The following TAOK3 variants were observed in gnomAD, a reference collection of about 807,000 sequenced individuals.
The protein encoded by TAOK3 is serine/threonine-protein kinase TAO3.
In TAOK3, 40 loss-of-function variants were observed where a neutral mutation model predicts 120.4. The ratio of observed to expected loss-of-function variants is 0.33; its 90% CI spans 0.26 to 0.43. The LOEUF is 0.43. Among genes scored for constraint, TAOK3 ranks in the 20% least tolerant of loss-of-function variants. The pLI is 1.00. For missense variants in TAOK3, 821 were observed against 1,112.1 expected (o/e 0.74, Z 3.72); for synonymous variants, 355 against 387.5 (o/e 0.92, Z 0.99).
intron 19 of TAOK3, among the ~76,000 whole-genome samples, chr12:118,156,016 C>T (rs1052694533): frequency 3.9e-5 from 6 of 152,160 alleles, no homozygotes; most frequent in Admixed American, 2.0e-4. Context: ...CGTGAGCCAC[C>T]GCGCCTGGTC....
rs2043193024 is a variant in TAOK3, at chr12:118,309,690, A to C, written c.-193-42931T>G. 2.0e-5 allele frequency among the ~76,000 whole-genome samples: 3 copies of C among 151,552 alleles called. 1 individual carries two copies. In the South Asian group the frequency reaches 6.3e-4, roughly 32 times the overall value. ...GCCACCACGCCTGGCTAATTTTTGTATTTTTAGTAGAGATGGGGTTTCACC... is the reference window on the plus strand; with the variant it reads ...GCCACCACGCCTGGCTAATTTTTGTCTTTTTAGTAGAGATGGGGTTTCACC... On this transcript the variant is annotated intron_variant, in intron 1 of 20. Transcript: ENST00000392533.
intron 13 of TAOK3, among the ~76,000 whole-genome samples, chr12:118,193,339 G>A (rs990018977): frequency 6.6e-6 from 1 of 151,930 alleles, no homozygotes; most frequent in Non-Finnish European, 1.5e-5. Flanking sequence ...ACGAGCCACC[G>A]CACCCAGCCC....
intron 12 of TAOK3, chr12:118,201,051 C>G (rs776964383): frequency 6.2e-4 from 210 of 336,714 alleles, no homozygotes; most frequent in Middle Eastern, 8.4e-4. Flanking sequence ...TCACTAATCC[C>G]ACCAGCAGAC....
chr12:118,331,884 T>A (rs927351169), intron 1 of TAOK3, among the ~76,000 whole-genome samples: 4 of 150,954 alleles, frequency 2.6e-5, no homozygotes, highest in Non-Finnish European at 5.9e-5. Flanking sequence ...TCGAGTGCAA[T>A]GGCACGATCT....
intron 1 of TAOK3, among the ~76,000 whole-genome samples, chr12:118,334,173 A>G (rs1421729448): frequency 2.6e-5 from 4 of 151,468 alleles, no homozygotes; most frequent in Admixed American, 2.6e-4. Context: ...AGAAATAATG[A>G]TATTGAAGGG....
rs373970160 is a variant in TAOK3, at chr12:118,193,049, G to T, written c.1195-3108C>A. Among the ~76,000 whole-genome samples the T allele has an allele frequency of 5.4e-3, 578 of 107,412 alleles. 1 individual carries two copies. The highest frequency in any genetic ancestry group is 0.018 in the African/African-American group (500 of 28,194). The allele number at this position is 107,412 out of a possible 152,430, so 70.5% of individuals were successfully genotyped here. ...AACCTGGTAAACTTACCACGTTGTT[G>T]TTTTTTTTTTTTTTTTTTTTTGAGA... On this transcript the variant is annotated intron_variant, in intron 13 of 20. Coordinates refer to ENST00000392533, the MANE Select transcript of TAOK3 (RefSeq NM_016281.4).
rs141687272 is a variant in TAOK3 at position 118,151,048 on chromosome 12, C to A, written c.2646G>T (p.Met882Ile). The change falls in exon 21 of 21, where the codon ATG (methionine) becomes ATT (isoleucine). Residue 882 changes from methionine (M) to isoleucine (I), a missense_variant. Transcript: ENST00000392533. ...IETFDMESLR[M>I]GFGNLVTLDF... ...CTAATGTAACCAAATTCCCAAATCC[C>A]ATTCTGAGGCTCTCCATGTCAAAAG... 5.5e-4 allele frequency: 888 copies of A among 1,613,142 alleles called. 5 individuals are homozygous for A. In the African/African-American group the frequency reaches 0.011, roughly 20 times the overall value.
At chr12:118,348,442 C>A (rs1324596437) in intron 1 of TAOK3, among the ~76,000 whole-genome samples, 2 of 151,762 alleles carry the variant, frequency 1.3e-5, no homozygotes. Flanking sequence ...TGCCTTATTT[C>A]TTTCTTTCTT....
intron 6 of TAOK3, among the ~76,000 whole-genome samples, chr12:118,238,635 A>AT (rs72180783): frequency 0.041 from 5,858 of 144,072 alleles, 132 homozygotes; most frequent in African/African-American, 0.063. Flanking sequence ...CAGTGATTTA[A>AT]TTTTTTTTTT....
chr12:118,212,768 T>C (rs1364844387), intron 11 of TAOK3, 146 bp downstream of exon 11: 12 of 550,170 alleles, frequency 2.2e-5, no homozygotes, highest in Non-Finnish European at 3.9e-5. Context: ...GCTATTTCTA[T>C]GCCTAGCTAC....
At chr12:118,339,408 A>G (rs888637268) in intron 1 of TAOK3, among the ~76,000 whole-genome samples, 70 of 147,356 alleles carry the variant, frequency 4.8e-4, no homozygotes, top group African/African-American at 1.7e-3. Flanking sequence ...CCTCAGCCTC[A>G]ATTTTCCGGA....
At chr12:118,277,359 A>G (rs753535797) in intron 1 of TAOK3, among the ~76,000 whole-genome samples, 16 of 152,268 alleles carry the variant, frequency 1.1e-4, no homozygotes, top group African/African-American at 3.4e-4. Flanking sequence ...AGACAATTCA[A>G]GTGGTACCAC....
intron 17 of TAOK3, among the ~76,000 whole-genome samples, chr12:118,166,301 G>C (rs1287873027): frequency 3.3e-5 from 5 of 152,206 alleles, no homozygotes; most frequent in Non-Finnish European, 7.3e-5. Flanking sequence ...CACTTTGGGA[G>C]GCTGAGACAG....
intron 1 of TAOK3, among the ~76,000 whole-genome samples, chr12:118,354,892 CA>C (rs1395910639): frequency 6.6e-6 from 1 of 151,942 alleles, no homozygotes; most frequent in Admixed American, 6.6e-5. Flanking sequence ...TCTTTATTAG[CA>C]GCGTGAAAAC....
chr12:118,208,794 C>T (rs2038470562), intron 11 of TAOK3, among the ~76,000 whole-genome samples: 1 of 152,182 alleles, frequency 6.6e-6, no homozygotes, highest in Non-Finnish European at 1.5e-5. Flanking sequence ...TCACTGCAAA[C>T]TTCGCCTTCC....
chr12:118,257,256 A>G (rs970359730), intron 2 of TAOK3, among the ~76,000 whole-genome samples: 1 of 152,214 alleles, frequency 6.6e-6, no homozygotes. Flanking sequence ...TTTACTGACT[A>G]CTAGAAGAAA....
chr12:118,351,349 T>C (rs2141223080), intron 1 of TAOK3, among the ~76,000 whole-genome samples: 1 of 152,282 alleles, frequency 6.6e-6, no homozygotes, highest in East Asian at 1.9e-4. Context: ...GTTTCCTTAT[T>C]AGTTAAGGAA....
intron 19 of TAOK3, among the ~76,000 whole-genome samples, chr12:118,158,819 A>G (rs17440315): frequency 0.1 from 15,470 of 152,162 alleles, 998 homozygotes; most frequent in Middle Eastern, 0.15. Flanking sequence ...TGAGGCTCTG[A>G]CCCTGACTAT....
intron 3 of TAOK3, among the ~76,000 whole-genome samples, chr12:118,251,582 C>T (rs935477651): frequency 2.0e-5 from 3 of 152,224 alleles, no homozygotes; most frequent in East Asian, 3.9e-4. Flanking sequence ...TAAATGAGAT[C>T]GTGCCAGCCT....
Sources: allele counts gnomAD v4.1 joint callset (sites outside exome capture counted in the v4.1 genomes callset), GRCh38; gene constraint gnomAD v4.1.1; transcripts MANE v1.5; gene names NCBI Gene and HGNC (gene_info 2026-07-23, HGNC 2026-07-21).